The following MUC5AC variants were observed in gnomAD, a reference collection of about 807,000 sequenced individuals.
MUC5AC encodes the protein mucin-5AC.
Under a neutral mutation model 169.7 loss-of-function variants are expected in MUC5AC, and 158 were observed. The ratio of observed to expected loss-of-function variants is 0.93; its 90% confidence interval spans 0.82 to 1.06. The LOEUF (loss-of-function observed/expected upper bound fraction) is 1.06, where lower values mean the gene tolerates loss of function less well. Ranked by LOEUF, MUC5AC falls within the 50% of genes least tolerant of loss-of-function variation. The probability of loss-of-function intolerance (pLI) is 0.00; values close to 1 mark genes in which losing one functional copy is unlikely to be tolerated. For missense variants in MUC5AC, 4,359 were observed against 3,089.9 expected (o/e 1.41, Z -9.74); for synonymous variants, 1,975 against 1,237.0 (o/e 1.60, Z -12.52).
At position 1,185,940 on chromosome 11, in the gene MUC5AC, G is replaced by T; in HGVS notation, c.7795G>T (p.Val2599Phe). The part of the protein sequence containing the change: ...TSGPGTTPSA[V>F]PTTSITSAPT... ...TGGTCCTGGAACTACTCCCAGTGCT[G>T]TTCCCACCACCAGCATAACCTCTGC... is the stretch of plus-strand genomic sequence containing the variant. Residue 2599 changes from valine (V) to phenylalanine (F), a missense_variant, in exon 31 of 49, where the codon GTT (valine) becomes TTT (phenylalanine). Coordinates refer to ENST00000621226, the MANE Select transcript of MUC5AC (RefSeq NM_001304359.2). 1.3e-6 allele frequency: 1 copy of T among 741,874 alleles called. No homozygotes were observed. The highest frequency in any genetic ancestry group is 1.4e-5 in the South Asian group (1 of 71,276). 46.0% of individuals were successfully genotyped at this position (741,874 alleles called of 1,614,324 possible).
chr11:1,182,514 C>T lies in MUC5AC; in HGVS notation c.4369C>T (p.Arg1457Cys), dbSNP rs911530848. The change falls in exon 31 of 49, where the codon CGT becomes TGT. Residue 1457 changes from arginine to cysteine, a missense_variant. Physicochemically the swap from Arg to Cys is radical, Grantham distance 180 (BLOSUM62 -3). Transcript: ENST00000621226. ...QCSPDVGLTC[R>C]NREQASGLCY... The stretch of plus-strand genomic sequence containing the variant: ...CAGCCCGGATGTGGGGCTGACCTGT[C>T]GTAACAGGGAGCAGGCATCGGGGCT... 2.5e-5 allele frequency: 10 copies of T among 398,656 alleles called. No homozygotes were observed. Among genetic ancestry groups the T allele is most frequent in the African/African-American group, 1.2e-4 (6 of 48,730 alleles). The allele number at this position is 398,656 out of a possible 1,614,324, so 24.7% of individuals were successfully genotyped here.
rs547420224 is a variant in MUC5AC, at chr11:1,198,926, C to G, written c.16226C>G (p.Pro5409Arg). The G allele has an allele frequency of 1.3e-6, 1 of 761,114 alleles. No homozygotes were observed. The highest frequency in any genetic ancestry group is 1.7e-5 in the Admixed American group (1 of 58,478). The allele number at this position is 761,114 out of a possible 1,614,324, so 47.1% of individuals were successfully genotyped here. A position where few individuals can be genotyped will look rare whatever the true frequency, so the allele number is the denominator to read the frequency against. ...TGCGAAACCTGCAGGTGTGAGCTGC[C>G]GGGTGGCCCCCCATCGGACGCGTTT... ...SLCETCRCEL[P>R]GGPPSDAFVV... is the part of the protein sequence containing the mutation. Residue 5409 changes from proline to arginine, a missense_variant, in exon 44 of 49, where the codon CCG becomes CGG. Physicochemically the swap from Pro to Arg is moderately radical, Grantham distance 103. Transcript: ENST00000621226.
chr11:1,200,101 C>T (rs964190679), intron 48 of MUC5AC, 132 bp downstream of exon 48: 6 of 610,662 alleles, frequency 9.8e-6, no homozygotes, highest in East Asian at 5.5e-5. Context: ...GAGGGTGAGG[C>T]GGGAAAGGGG....
At position 1,200,972 on chromosome 11, in the gene MUC5AC, G is replaced by A; in HGVS notation, c.*270G>A. The stretch of plus-strand genomic sequence containing the variant: ...CCATGCATCCAGCCTGCTGTTCTGG[G>A]GACGTGAGCATCACCTGAGGGTCTC... On this transcript the variant is annotated 3_prime_UTR_variant, in exon 49 of 49. Coordinates refer to ENST00000621226, the MANE Select transcript of MUC5AC (RefSeq NM_001304359.2). 2.8e-6 allele frequency: 1 copy of A among 356,502 alleles called. No homozygotes were observed. The highest frequency in any genetic ancestry group is 9.6e-5 in the South Asian group (1 of 10,388). The allele number at this position is 356,502 out of a possible 1,614,324, so 22.1% of individuals were successfully genotyped here.
chr11:1,195,434 G>C (rs1047104478), intron 36 of MUC5AC, among the ~76,000 whole-genome samples, 155 bp downstream of exon 36: 4 of 139,440 alleles, frequency 2.9e-5, no homozygotes, highest in African/African-American at 1.0e-4. Context: ...GTGTTGGGGA[G>C]AAGTGGGTGC....
intron 16 of MUC5AC, among the ~76,000 whole-genome samples, chr11:1,173,732 CCACT>C (rs1454085228): frequency 1.0e-4 from 15 of 148,190 alleles, no homozygotes; most frequent in East Asian, 2.1e-4. Flanking sequence ...ACGCACTCAT[CCACT>C]CACTCACTCA....
At chr11:1,178,018 C>T (rs995834707) in intron 24 of MUC5AC, among the ~76,000 whole-genome samples, 31 of 152,336 alleles carry the variant, frequency 2.0e-4, no homozygotes, top group Non-Finnish European at 3.2e-4. Context: ...GCCCCGTCTT[C>T]ACGCAGCCTC....
At chr11:1,171,233 TTCAC>T (rs1357090495) in intron 15 of MUC5AC, among the ~76,000 whole-genome samples, 1 of 74,200 alleles carries the variant, frequency 1.3e-5, no homozygotes, top group Non-Finnish European at 2.7e-5. Flanking sequence ...CACTCACCCA[TTCAC>T]TCATTCACCC....
In MUC5AC at chr11:1,192,190, C is replaced by A. The variant is rs544730082; in HGVS notation, c.14045C>A (p.Pro4682Gln). 1 of 764,978 alleles carries A rather than the reference C, an allele frequency of 1.3e-6. No homozygotes were observed. The highest frequency in any genetic ancestry group is 1.7e-5 in the Admixed American group (1 of 59,008). The allele number at this position is 764,978 out of a possible 1,614,324, so 47.4% of individuals were successfully genotyped here. Residue 4682 changes from proline to glutamine, a missense_variant, in exon 31 of 49, where the codon CCG (proline) becomes CAG (glutamine). Coordinates refer to ENST00000621226, the MANE Select transcript of MUC5AC (RefSeq NM_001304359.2). ...CTCCAGTGCCGAGCCGAGAGCCACC[C>A]GGAGGTGAACATTGAACACCTGGGT... ...TRLQCRAESH[P>Q]EVNIEHLGQV...
In MUC5AC at chr11:1,194,181, T is replaced by G. The variant is rs1861196937; in HGVS notation, c.14827T>G (p.Cys4943Gly). 1.3e-6 allele frequency: 1 copy of G among 765,080 alleles called. No homozygotes were observed. Among genetic ancestry groups the G allele is most frequent in the East Asian group, 2.4e-5 (1 of 41,248 alleles). 47.4% of individuals were successfully genotyped at this position (765,080 alleles called of 1,614,324 possible). Residue 4943 changes from cysteine to glycine, a missense_variant, in exon 34 of 49, where the codon TGC (cysteine) becomes GGC (glycine). Transcript: ENST00000621226. The stretch of plus-strand genomic sequence containing the variant: ...CACCTACTACACCTTCCTGGACAAC[T>G]GCACGTACGTGCTGGTGCAGCAGAT... ...DGTYYTFLDN[C>G]TYVLVQQIVP...
At position 1,190,699 on chromosome 11, in the gene MUC5AC, CA is replaced by C. The variant is rs1861068373; in HGVS notation, c.12556del (p.Ile4186SerfsTer104). On this transcript the variant is annotated frameshift_variant, in exon 31 of 49. Coordinates refer to ENST00000621226, the MANE Select transcript of MUC5AC (RefSeq NM_001304359.2). LOFTEE classifies it high-confidence loss of function. ...ACAATCTCTGCCTCTACAACCAGCACAATCTCTGCCCCTACAACCAGCACAA... is the reference window on the plus strand; with the variant it reads ...ACAATCTCTGCCTCTACAACCAGCACATCTCTGCCCCTACAACCAGCACAA... ...TSTISASTTS[T>X]ISAPTTSTIS... The C allele has an allele frequency of 1.4e-6, 1 of 696,902 alleles. No homozygotes were observed. The highest frequency in any genetic ancestry group is 2.0e-5 in the Admixed American group (1 of 49,740). 43.2% of individuals were successfully genotyped at this position (696,902 alleles called of 1,614,324 possible).
At chr11:1,195,480 G>A (rs913131254) in intron 36 of MUC5AC, among the ~76,000 whole-genome samples, 13 of 151,958 alleles carry the variant, frequency 8.6e-5, no homozygotes, top group African/African-American at 2.9e-4. Flanking sequence ...GGCGGGTGCC[G>A]GGAAGGGGTG....
At chr11:1,164,034 AGGGG>A in intron 7 of MUC5AC, 43 bp downstream of exon 7, 1 of 1,608,972 alleles carries the variant, frequency 6.2e-7, no homozygotes, top group Non-Finnish European at 8.5e-7. Flanking sequence ...GTTGAGCAGG[AGGGG>A]TTGTGAGCCT....
At chr11:1,197,417 C>T in intron 40 of MUC5AC, 51 bp from the exon 41 acceptor site, 3 of 695,408 alleles carry the variant, frequency 4.3e-6, no homozygotes, top group Admixed American at 2.0e-5. Context: ...GGCTGCTGCA[C>T]CCCTGGGTGG....
At chr11:1,177,759 G>A in intron 24 of MUC5AC, 126 bp downstream of exon 24, 1 of 395,870 alleles carries the variant, frequency 2.5e-6, no homozygotes, top group African/African-American at 2.1e-5. Flanking sequence ...AAGCGGGGTG[G>A]GAAGTGGGGG....
chr11:1,174,859 C>A, intron 17 of MUC5AC, 23 bp from the exon 18 acceptor site: 1 of 419,086 alleles, frequency 2.4e-6, no homozygotes, highest in Non-Finnish European at 4.2e-6. Flanking sequence ...TCCTGAGAAT[C>A]CCCTCTTCCT....
chr11:1,188,156 C>A lies in MUC5AC; in HGVS notation c.10011C>A (p.Ser3337Arg). 1 of 716,244 alleles carries A rather than the reference C, an allele frequency of 1.4e-6. No individual in the cohort carries two copies. Among genetic ancestry groups the A allele is most frequent in the Non-Finnish European group, 2.5e-6 (1 of 392,480 alleles). The allele number at this position is 716,244 out of a possible 1,614,324, so 44.4% of individuals were successfully genotyped here. A position where few individuals can be genotyped will look rare whatever the true frequency, so the allele number is the denominator to read the frequency against. Residue 3337 changes from serine to arginine, a missense_variant, in exon 31 of 49, where the codon AGC becomes AGA. Coordinates refer to ENST00000621226, the MANE Select transcript of MUC5AC (RefSeq NM_001304359.2). The part of the protein sequence containing the change: ...PVTSTPVTAP[S>R]TPSGRATSPT... The stretch of plus-strand genomic sequence containing the variant: ...CCTCCACACCTGTGACAGCTCCTAG[C>A]ACCCCTAGTGGGAGAGCCACCAGCC...
At chr11:1,193,438 C>T (rs759195894) in intron 32 of MUC5AC, 47 bp from the exon 33 acceptor site, 65 of 680,850 alleles carry the variant, frequency 9.5e-5, no homozygotes, top group East Asian at 5.4e-4. Context: ...AGGGGTGCCC[C>T]GGAGATCGGG....
Position 1,189,815 on chromosome 11 carries a change from C to G in MUC5AC, c.11670C>G (p.Pro3890=). 4 of 741,852 alleles carry G rather than the reference C, an allele frequency of 5.4e-6. No homozygotes were observed. The highest frequency in any genetic ancestry group is 9.9e-6 in the Non-Finnish European group (4 of 406,082). 46.0% of individuals were successfully genotyped at this position (741,852 alleles called of 1,614,324 possible). ...TSFHTTSTTS[P]PTSSTSSTPQ... is the part of the protein sequence containing the mutation. ...TCCATACAACCAGCACAACCTCTCCCCCTACAAGCAGCACAAGCTCCACTC... is the reference window on the plus strand; with the variant it reads ...TCCATACAACCAGCACAACCTCTCCGCCTACAAGCAGCACAAGCTCCACTC... Residue 3890 remains proline (P), a synonymous_variant, in exon 31 of 49, where the codon CCC becomes CCG. Coordinates refer to ENST00000621226, the MANE Select transcript of MUC5AC (RefSeq NM_001304359.2).
Sources: allele counts gnomAD v4.1 joint callset (sites outside exome capture counted in the v4.1 genomes callset), GRCh38; gene constraint gnomAD v4.1.1; transcripts MANE v1.5; gene names NCBI Gene and HGNC (gene_info 2026-07-23, HGNC 2026-07-21).